Variants in HMGB1 observed in about 807,000 individuals in gnomAD.
HMGB1 encodes high mobility group protein B1.
For missense variants in HMGB1, 79 were observed against 253.5 expected (o/e 0.31, Z 4.67); for synonymous variants, 81 against 84.0 (o/e 0.96, Z 0.19).
chr13:30,597,641 G>A (rs4769856), intron 1 of HMGB1, among the ~76,000 whole-genome samples: 67,292 of 152,038 alleles, frequency 0.44, 15,344 homozygotes, highest in Middle Eastern at 0.67. Flanking sequence ...GATACAAACA[G>A]ACCCTCTATA....
At chr13:30,598,756 T>C (rs1434271021) in intron 1 of HMGB1, among the ~76,000 whole-genome samples, 1 of 152,196 alleles carries the variant, frequency 6.6e-6, no homozygotes. Flanking sequence ...AAATGGTCTA[T>C]TTCAAATGCT....
chr13:30,501,554 T>C (rs1887736099), intron 1 of HMGB1, among the ~76,000 whole-genome samples: 1 of 132,588 alleles, frequency 7.5e-6, no homozygotes, highest in South Asian at 2.7e-4. Flanking sequence ...TTATTTTATA[T>C]ATTTATAAAT....
chr13:30,588,368 G>A (rs1041315651), intron 1 of HMGB1, among the ~76,000 whole-genome samples: 2 of 152,280 alleles, frequency 1.3e-5, no homozygotes, highest in East Asian at 3.9e-4. Flanking sequence ...GGATCCCAAA[G>A]GATAGGCAGG....
At chr13:30,610,034 T>A (rs1950499023) in intron 1 of HMGB1, among the ~76,000 whole-genome samples, 1 of 152,274 alleles carries the variant, frequency 6.6e-6, no homozygotes, top group East Asian at 1.9e-4. Flanking sequence ...AAGATCTTTA[T>A]GATGATCCAT....
Position 30,463,185 on chromosome 13 carries a change from TAAA to T in HMGB1, c.296+19_296+21del. ...TCTACTGTAAAACGTGTCTGGGAAGTAAAAACAGGCAAGATACTCACGGAGGCC... is the reference window on the plus strand; with the variant it reads ...TCTACTGTAAAACGTGTCTGGGAAGTAACAGGCAAGATACTCACGGAGGCC... On this transcript the variant is annotated intron_variant, in intron 3 of 4. Transcript: ENST00000341423. The T allele has an allele frequency of 6.3e-7, 1 of 1,598,030 alleles. No individual in the cohort carries two copies. The highest frequency in any genetic ancestry group is 8.5e-7 in the Non-Finnish European group (1 of 1,176,392).
rs954680768 is a variant in HMGB1 at position 30,559,562 on chromosome 13, T to C, written c.-15+57109A>G. The stretch of plus-strand genomic sequence containing the variant: ...GATGTGCGTGTAGTAGGCTGCCTGC[T>C]CTAACACATGAGATTAAATTTAGAT... On this transcript the variant is annotated intron_variant, in intron 1 of 4. Transcript: ENST00000405805. This position sits in a 1 kb window ranked among gnomAD's most constrained non-coding sequence, Gnocchi z 6.6. Among the ~76,000 whole-genome samples, 1 of 152,142 alleles carries C rather than the reference T, an allele frequency of 6.6e-6. No homozygotes were observed. Among genetic ancestry groups the C allele is most frequent in the Non-Finnish European group, 1.5e-5 (1 of 68,026 alleles).
intron 1 of HMGB1, among the ~76,000 whole-genome samples, chr13:30,607,687 G>A (rs1228832474): frequency 6.6e-6 from 1 of 152,138 alleles, no homozygotes; most frequent in African/African-American, 2.4e-5. Flanking sequence ...TGTAACCAGA[G>A]TAGTTCTTGA....
chr13:30,511,611 A>G (rs1009891413), intron 1 of HMGB1, among the ~76,000 whole-genome samples: 3 of 152,118 alleles, frequency 2.0e-5, no homozygotes, highest in Non-Finnish European at 4.4e-5. Flanking sequence ...CTAATACACC[A>G]AGTCTTCTTG....
At chr13:30,588,039 T>C (rs1464792825) in intron 1 of HMGB1, among the ~76,000 whole-genome samples, 1 of 152,258 alleles carries the variant, frequency 6.6e-6, no homozygotes, top group Non-Finnish European at 1.5e-5. Context: ...TACCATCATA[T>C]GCTGTCATGC....
intron 1 of HMGB1, among the ~76,000 whole-genome samples, chr13:30,492,918 G>T (rs1350595027): frequency 6.7e-6 from 1 of 150,304 alleles, no homozygotes; most frequent in Non-Finnish European, 1.5e-5. Context: ...TTGAACCTGG[G>T]AGGGGGAGGT....
intron 1 of HMGB1, among the ~76,000 whole-genome samples, chr13:30,534,988 T>C (rs1205248275): frequency 6.6e-6 from 1 of 152,238 alleles, no homozygotes. Flanking sequence ...TATACAGCAC[T>C]GGAGAGACTG....
chr13:30,608,542 C>A (rs780621045), intron 1 of HMGB1, among the ~76,000 whole-genome samples: 2 of 152,154 alleles, frequency 1.3e-5, no homozygotes, highest in Non-Finnish European at 2.9e-5. Context: ...ATAGGAGGGG[C>A]TAACTGATCT....
intron 1 of HMGB1, among the ~76,000 whole-genome samples, chr13:30,590,800 G>A (rs1281760226): frequency 2.0e-5 from 3 of 152,158 alleles, no homozygotes; most frequent in East Asian, 3.9e-4. Context: ...CTTCCACCAT[G>A]TGAGGACACA....
chr13:30,490,944 T>G (rs1887476877), intron 1 of HMGB1, among the ~76,000 whole-genome samples: 1 of 152,136 alleles, frequency 6.6e-6, no homozygotes, highest in Admixed American at 6.5e-5. Context: ...TATCTTCACC[T>G]GCAAGTGAAT....
intron 1 of HMGB1, among the ~76,000 whole-genome samples, chr13:30,514,435 C>T (rs1182404499): frequency 6.6e-6 from 1 of 150,982 alleles, no homozygotes; most frequent in Non-Finnish European, 1.5e-5. Flanking sequence ...GTGATCCTCC[C>T]ACCTCAGCCT....
At chr13:30,462,475 T>C in intron 4 of HMGB1, 63 bp downstream of exon 4, 1 of 1,330,050 alleles carries the variant, frequency 7.5e-7, no homozygotes, top group Non-Finnish European at 1.1e-6. Flanking sequence ...CACCTCAAAC[T>C]AAGTACAATC....
intron 2 of HMGB1, 70 bp downstream of exon 2, chr13:30,463,461 G>A (rs549783365): frequency 1.3e-6 from 2 of 1,542,448 alleles, no homozygotes; most frequent in African/African-American, 1.4e-5. Flanking sequence ...TGCCAACTAG[G>A]CTTTTTTTTG....
rs116598646 is a variant in HMGB1, at chr13:30,577,615, A to G, written c.-15+39056T>C. Among the ~76,000 whole-genome samples, 420 of 152,288 alleles carry G rather than the reference A, an allele frequency of 2.8e-3. 3 individuals are homozygous for G. Among genetic ancestry groups the G allele is most frequent in the African/African-American group, 9.3e-3 (387 of 41,560 alleles). Reference sequence around the variant, plus strand: ...ACCTAGCAGTATCACTGTGGGTTAGAGTCAGATCACTGCGGATTAAGTCCT... The same window carrying G: ...ACCTAGCAGTATCACTGTGGGTTAGGGTCAGATCACTGCGGATTAAGTCCT... On this transcript the variant is annotated intron_variant, in intron 1 of 4. Transcript: ENST00000405805.
chr13:30,607,694 T>C (rs901259069), intron 1 of HMGB1, among the ~76,000 whole-genome samples: 8 of 152,194 alleles, frequency 5.3e-5, no homozygotes, highest in African/African-American at 1.7e-4. Context: ...AGAGTAGTTC[T>C]TGATCATGCT....
Sources: gnomAD v4.1 joint callset for allele counts (sites outside exome capture counted in the v4.1 genomes callset) on GRCh38, gnomAD v4.1.1 for gene constraint, Gnocchi (gnomAD v3.1) non-coding constraint, MANE v1.5 for transcripts, NCBI Gene and HGNC (gene_info 2026-07-23, HGNC 2026-07-21) for gene names.